The following IZUMO2 variants were observed in gnomAD, a reference collection of about 807,000 sequenced individuals.
IZUMO2 encodes the protein izumo sperm-egg fusion protein 2.
IZUMO2 carries 24 observed loss-of-function variants against 31.2 expected under a neutral mutation model. The ratio of observed to expected loss-of-function variants is 0.77; its 90% CI spans 0.56 to 1.08. The LOEUF is 1.08. Ranked by LOEUF, IZUMO2 falls within the 50% of genes least tolerant of loss-of-function variation. IZUMO2 has a pLI of 0.00. For missense variants in IZUMO2, 278 were observed against 274.0 expected, an observed-to-expected ratio of 1.01 and a Z score of -0.10; for synonymous variants, 144 against 117.3, an observed-to-expected ratio of 1.23 and a Z score of -1.47.
Position 50,163,236 on chromosome 19 carries a change from C to CT in IZUMO2, c.-43_-42insA. ...CGTCACAGAGAGAACCCGGCCCGCC[C>CT]CGCCTCCCAGGCGAGGGCGCGGTCA... is the stretch of plus-strand genomic sequence containing the variant. On this transcript the variant is annotated 5_prime_UTR_variant, in exon 1 of 7. An upstream open reading frame in the 5' UTR loses its in-frame stop. Transcript: ENST00000293405. 1 of 1,487,528 alleles carries CT rather than the reference C, an allele frequency of 6.7e-7. No individual in the cohort carries two copies. The highest frequency in any genetic ancestry group is 9.1e-7 in the Non-Finnish European group (1 of 1,098,310). The allele number at this position is 1,487,528 out of a possible 1,614,324, so 92.1% of individuals were successfully genotyped here.
At chr19:50,154,141 A>G (rs1221517420) in intron 6 of IZUMO2, among the ~76,000 whole-genome samples, 2 of 151,718 alleles carry the variant, frequency 1.3e-5, no homozygotes, top group Admixed American at 1.3e-4. Context: ...TAGTATCTTT[A>G]AAAGCCAGAA....
chr19:50,154,585 G>T lies in IZUMO2; in HGVS notation c.623+15C>A, dbSNP rs756441076. 1.2e-6 allele frequency: 2 copies of T among 1,613,482 alleles called. No homozygotes were observed. The highest frequency in any genetic ancestry group is 4.5e-5 in the East Asian group (2 of 44,854). ...GGTTCCACGGGGGACTGAGGAGGGG[G>T]CAAGGATGACTCACGAGACCACGAT... On this transcript the variant is annotated intron_variant, in intron 6 of 6. Coordinates refer to ENST00000293405, the MANE Select transcript of IZUMO2 (RefSeq NM_152358.3).
chr19:50,156,320 C>G (rs1431056365), intron 5 of IZUMO2, among the ~76,000 whole-genome samples: 1 of 152,044 alleles, frequency 6.6e-6, no homozygotes, highest in East Asian at 1.9e-4. Context: ...CCTACAATGA[C>G]CAGGACAGCC....
At chr19:50,162,903 G>C (rs2030450209) in intron 1 of IZUMO2, 60 bp downstream of exon 1, 38 of 1,607,060 alleles carry the variant, frequency 2.4e-5, no homozygotes, top group Non-Finnish European at 3.2e-5. Context: ...ACCCCTCTTG[G>C]GGGCGTGGTC....
chr19:50,162,652 T>C, intron 2 of IZUMO2, 87 bp downstream of exon 2: 1 of 1,138,328 alleles, frequency 8.8e-7, no homozygotes, highest in Non-Finnish European at 1.3e-6. Context: ...CATGCGTGTT[T>C]GCTCTTATTT....
At chr19:50,162,449 A>T (rs1188700527) in intron 2 of IZUMO2, among the ~76,000 whole-genome samples, 1 of 151,586 alleles carries the variant, frequency 6.6e-6, no homozygotes, top group African/African-American at 2.4e-5. Context: ...CTCTACAAAA[A>T]ATTAAAAAGT....
At chr19:50,162,937 G>A (rs778898551) in intron 1 of IZUMO2, 26 bp downstream of exon 1, 1 of 1,611,544 alleles carries the variant, frequency 6.2e-7, no homozygotes, top group Non-Finnish European at 8.5e-7. Flanking sequence ...GCCCAGCCCC[G>A]CTGCCCAATT....
At chr19:50,153,477 C>T (rs143339612) in intron 6 of IZUMO2, among the ~76,000 whole-genome samples, 13 of 152,260 alleles carry the variant, frequency 8.5e-5, no homozygotes, top group African/African-American at 2.2e-4. Context: ...GTAGCCTGCA[C>T]GGAGCACTCC....
rs1266130083 is a variant in IZUMO2, at chr19:50,152,605, C to T, written c.*4G>A. 34 of 1,610,928 alleles carry T rather than the reference C, an allele frequency of 2.1e-5. No individual in the cohort carries two copies. The Admixed American group carries it at 4.3e-4, about 21-fold the overall frequency. On this transcript the variant is annotated 3_prime_UTR_variant, in exon 7 of 7. Coordinates refer to ENST00000293405, the MANE Select transcript of IZUMO2 (RefSeq NM_152358.3). ...TCCTTTCTCCTTACCCCCAAACCAC[C>T]GTCCTACTGCAGCAGGAGTTTTCGG...
At chr19:50,155,045 G>A (rs2030168507) in intron 5 of IZUMO2, among the ~76,000 whole-genome samples, 1 of 152,162 alleles carries the variant, frequency 6.6e-6, no homozygotes, top group South Asian at 2.1e-4. Context: ...AGTTCTAAAA[G>A]CATTTCATTT....
intron 5 of IZUMO2, 29 bp downstream of exon 5, chr19:50,158,239 C>T (rs2030278843): frequency 6.7e-7 from 1 of 1,487,470 alleles, no homozygotes; most frequent in Non-Finnish European, 9.4e-7. Context: ...ACGCCTGTCC[C>T]ATGTCTTCCC....
At chr19:50,162,703 G>A (rs75767307) in intron 2 of IZUMO2, 36 bp downstream of exon 2, 4 of 1,535,410 alleles carry the variant, frequency 2.6e-6, no homozygotes, top group Non-Finnish European at 3.6e-6. Context: ...GGAAAGAAGA[G>A]GGGTGCTGGA....
chr19:50,160,104 C>T (rs554664126), intron 2 of IZUMO2: 2 of 153,996 alleles, frequency 1.3e-5, no homozygotes, highest in African/African-American at 4.8e-5. Flanking sequence ...CCACCTCGGC[C>T]TCCCAAAGTG....
chr19:50,156,631 G>T (rs1210883445), intron 5 of IZUMO2, among the ~76,000 whole-genome samples: 1 of 151,420 alleles, frequency 6.6e-6, no homozygotes, highest in Non-Finnish European at 1.5e-5. Context: ...ACTGATAAGA[G>T]AAACTGTTCT....
chr19:50,162,814 C>G lies in IZUMO2; in HGVS notation c.233-1G>C, dbSNP rs1182854506. 1 of 1,613,654 alleles carries G rather than the reference C, an allele frequency of 6.2e-7. No individual in the cohort carries two copies. ...GCCACAAGGTCCAGTTGATTTGTCT[C>G]TGGGGGGAGAAGGGAGAGGACACTC... On this transcript the variant is annotated splice_acceptor_variant, in intron 1 of 6. Coordinates refer to ENST00000293405, the MANE Select transcript of IZUMO2 (RefSeq NM_152358.3). LOFTEE classifies it high-confidence loss of function.
chr19:50,157,773 A>C (rs1204896578), intron 5 of IZUMO2, among the ~76,000 whole-genome samples: 2 of 151,450 alleles, frequency 1.3e-5, no homozygotes, highest in Non-Finnish European at 2.9e-5. Flanking sequence ...TACAAAACTT[A>C]TCAGGGTATG....
rs1370206502 is a variant in IZUMO2, at chr19:50,154,660, A to G, written c.563T>C (p.Leu188Pro). The G allele has an allele frequency of 1.2e-6, 2 of 1,614,030 alleles. No homozygotes were observed. The highest frequency in any genetic ancestry group is 1.7e-6 in the Non-Finnish European group (2 of 1,179,990). Reference protein sequence around the residue: ...MDSKYPRNQALLGILISVSLA... With the variant: ...MDSKYPRNQAPLGILISVSLA... ...AGACACAGAAATGAGGATGCCCAAC[A>G]GCGCCTGGTTCCTCGGGTATTTGCT... Residue 188 changes from leucine (L) to proline (P), a missense_variant, in exon 6 of 7, where the codon CTG (leucine) becomes CCG (proline). By Grantham distance (98) the Leu-to-Pro change is moderately conservative. Coordinates refer to ENST00000293405, the MANE Select transcript of IZUMO2 (RefSeq NM_152358.3).
At chr19:50,156,209 AGGGACATTTGGAAATGTCTG>A (rs1226914467) in intron 5 of IZUMO2, among the ~76,000 whole-genome samples, 7 of 152,168 alleles carry the variant, frequency 4.6e-5, no homozygotes, top group South Asian at 2.1e-4. Flanking sequence ...TTGTCACTCA[AGGGACATTTGGAAATGTCTG>A]GGGACATTTC....
chr19:50,152,737 C>G, intron 6 of IZUMO2, 86 bp from the exon 7 acceptor site: 1 of 1,165,882 alleles, frequency 8.6e-7, no homozygotes, highest in Non-Finnish European at 1.3e-6. Flanking sequence ...CTCCCCATAA[C>G]TTTCCTACAA....
Sources: allele counts gnomAD v4.1 joint callset (sites outside exome capture counted in the v4.1 genomes callset), GRCh38; gene constraint gnomAD v4.1.1; transcripts MANE v1.5; gene names NCBI Gene and HGNC (gene_info 2026-07-23, HGNC 2026-07-21).